The following PTPRG variants were observed in gnomAD, a reference collection of about 807,000 sequenced individuals.
PTPRG encodes receptor-type tyrosine-protein phosphatase gamma.
In PTPRG, 102 loss-of-function variants were observed where a neutral mutation model predicts 165.3. The observed-to-expected ratio is 0.62, with a 90% CI of 0.53 to 0.73. The LOEUF is 0.73. Among genes scored for constraint, PTPRG ranks in the 30% least tolerant of loss-of-function variants. PTPRG has a pLI of 0.00. For synonymous variants in PTPRG, 675 were observed against 669.5 expected (o/e 1.01, Z -0.13); for missense variants, 1,866 against 1,861.4 (o/e 1.00, Z -0.05).
rs563714516 is a variant in PTPRG, at chr3:61,919,882, T to C, written c.191-69743T>C. Among the ~76,000 whole-genome samples the C allele has an allele frequency of 2.6e-4, 40 of 152,316 alleles. No homozygotes were observed. The South Asian group carries it at 7.5e-3, about 28-fold the overall frequency. On this transcript the variant is annotated intron_variant, in intron 2 of 29. Transcript: ENST00000474889. ...TCCTTACAAAAGGCGAACAGTCCAG[T>C]CGTGGGCAAGGTTTAAGTAAAAGCA...
intron 1 of PTPRG, among the ~76,000 whole-genome samples, chr3:61,677,708 C>CA (rs1703281105): frequency 6.6e-6 from 1 of 152,150 alleles, no homozygotes; most frequent in African/African-American, 2.4e-5. Flanking sequence ...TGATTTGGAA[C>CA]AAACCAAGCT....
intron 1 of PTPRG, among the ~76,000 whole-genome samples, chr3:61,679,254 A>G (rs1440281114): frequency 2.0e-5 from 3 of 152,226 alleles, no homozygotes; most frequent in East Asian, 1.9e-4. Flanking sequence ...TTTGGCAAGG[A>G]GCCCAACTGC....
In PTPRG at chr3:62,095,125, G is replaced by A. The variant is rs552991499; in HGVS notation, c.615+16867G>A. On this transcript the variant is annotated intron_variant, in intron 5 of 29. Transcript: ENST00000474889. ...GTACCATGCCTTCCATTACATCCTT[G>A]TTATGAAAGCTTCATTTAAAAATTC... Among the ~76,000 whole-genome samples the A allele has an allele frequency of 3.1e-4, 47 of 152,280 alleles. 1 individual carries two copies. The highest frequency in any genetic ancestry group is 8.7e-4 in the African/African-American group (36 of 41,540).
chr3:62,244,644 C>T (rs1287991942), intron 15 of PTPRG, among the ~76,000 whole-genome samples: 1 of 152,178 alleles, frequency 6.6e-6, no homozygotes, highest in Admixed American at 6.5e-5. Flanking sequence ...AATGCCACCC[C>T]TCCTCCACAC....
chr3:62,185,199 G>A (rs1408643863), intron 8 of PTPRG, among the ~76,000 whole-genome samples: 1 of 152,160 alleles, frequency 6.6e-6, no homozygotes. Context: ...AGCTGGTGAG[G>A]AGCAGTACCT....
rs544640220 is a variant in PTPRG, at chr3:62,276,909, G to C, written c.3560-63G>C. The C allele has an allele frequency of 2.4e-6, 3 of 1,234,058 alleles. No individual in the cohort carries two copies. In the South Asian group the frequency reaches 3.8e-5, roughly 15 times the overall value. 76.4% of individuals were successfully genotyped at this position (1,234,058 alleles called of 1,614,324 possible). The stretch of plus-strand genomic sequence containing the variant: ...TTATTCATCAAGCAAATCTCAGAAA[G>C]AGCTGTTGGTTCTGTGTGTATAATA... On this transcript the variant is annotated intron_variant, in intron 24 of 29. Transcript: ENST00000474889.
At chr3:61,811,980 T>C (rs769949030) in intron 2 of PTPRG, among the ~76,000 whole-genome samples, 2 of 152,174 alleles carry the variant, frequency 1.3e-5, no homozygotes, top group Non-Finnish European at 2.9e-5. Context: ...AATAATTAAA[T>C]TTATTAGTAG....
At position 61,928,418 on chromosome 3, in the gene PTPRG, C is replaced by T. The variant is rs78212840; in HGVS notation, c.191-61207C>T. Among the ~76,000 whole-genome samples, 1,063 of 152,262 alleles carry T rather than the reference C, an allele frequency of 7.0e-3. 10 individuals carry two copies. The highest frequency in any genetic ancestry group is 0.024 in the African/African-American group (1,002 of 41,546). ...AAACCAGACTTATTTTGCCTGAGTCCATTTTTTTAATCCCCTACTTTCTAC... is the reference window on the plus strand; with the variant it reads ...AAACCAGACTTATTTTGCCTGAGTCTATTTTTTTAATCCCCTACTTTCTAC... On this transcript the variant is annotated intron_variant, in intron 2 of 29. Coordinates refer to ENST00000474889, the MANE Select transcript of PTPRG (RefSeq NM_002841.4).
intron 2 of PTPRG, among the ~76,000 whole-genome samples, chr3:61,889,292 G>T (rs758635360): frequency 6.6e-6 from 1 of 152,012 alleles, no homozygotes; most frequent in African/African-American, 2.4e-5. Flanking sequence ...TTATTTATTC[G>T]TTTGACTTTA....
intron 2 of PTPRG, among the ~76,000 whole-genome samples, chr3:61,852,982 T>C (rs1227013290): frequency 6.6e-6 from 1 of 152,230 alleles, no homozygotes. Flanking sequence ...TCCCTTCCTC[T>C]TTGCATCTGT....
chr3:62,042,039 G>C (rs976495031), intron 4 of PTPRG, among the ~76,000 whole-genome samples: 1 of 152,194 alleles, frequency 6.6e-6, no homozygotes, highest in Non-Finnish European at 1.5e-5. Context: ...AGGGAATGGG[G>C]AAGTGAGGTC....
At chr3:61,798,365 A>G (rs2035121855) in intron 2 of PTPRG, among the ~76,000 whole-genome samples, 1 of 152,210 alleles carries the variant, frequency 6.6e-6, no homozygotes, top group Non-Finnish European at 1.5e-5. Context: ...GTGACAGTAA[A>G]TGACAACTAG....
At chr3:61,986,953 A>G (rs2040777783) in intron 2 of PTPRG, among the ~76,000 whole-genome samples, 1 of 152,096 alleles carries the variant, frequency 6.6e-6, no homozygotes, top group African/African-American at 2.4e-5. Context: ...GTATTTATTC[A>G]AATTTGTGAA....
rs1311727422 is a variant in PTPRG at position 61,562,163 on chromosome 3, CG to C, written c.-119del. The C allele has an allele frequency of 8.7e-6, 7 of 805,098 alleles. No homozygotes were observed. Among genetic ancestry groups the C allele is most frequent in the South Asian group, 1.6e-5 (1 of 64,408 alleles). 49.9% of individuals were successfully genotyped at this position (805,098 alleles called of 1,614,324 possible). A position where few individuals can be genotyped will look rare whatever the true frequency, so the allele number is the denominator to read the frequency against. On this transcript the variant is annotated 5_prime_UTR_variant, in exon 1 of 30. Transcript: ENST00000474889. ...CCAAGGGGACTCGGGCCGCCGAGCG[CG>C]GGGGGCCCGTGGAGCGGGCGAGCCG... is the stretch of plus-strand genomic sequence containing the variant.
At chr3:61,671,786 C>T (rs1201063267) in intron 1 of PTPRG, among the ~76,000 whole-genome samples, 10 of 145,830 alleles carry the variant, frequency 6.9e-5, no homozygotes, top group South Asian at 4.4e-4. Context: ...CCCCACCTCC[C>T]TCCCGGATGG....
At chr3:61,864,447 A>G (rs2037352270) in intron 2 of PTPRG, among the ~76,000 whole-genome samples, 1 of 148,604 alleles carries the variant, frequency 6.7e-6, no homozygotes, top group Non-Finnish European at 1.5e-5. Flanking sequence ...CCGGGCTTCT[A>G]ATTCTCTCCA....
chr3:61,751,975 C>T (rs556604228), intron 2 of PTPRG, among the ~76,000 whole-genome samples: 1 of 151,718 alleles, frequency 6.6e-6, no homozygotes, highest in East Asian at 1.9e-4. Context: ...GCCTGGGTGA[C>T]ATAGCATGCC....
chr3:61,772,373 G>A (rs2034236031), intron 2 of PTPRG, among the ~76,000 whole-genome samples: 1 of 151,934 alleles, frequency 6.6e-6, no homozygotes, highest in Non-Finnish European at 1.5e-5. Context: ...AAATCAACCT[G>A]CTCATTCACA....
intron 12 of PTPRG, among the ~76,000 whole-genome samples, chr3:62,206,912 C>CAAAAAAAAAAA (rs556974355): frequency 1.9e-4 from 7 of 37,332 alleles, no homozygotes; most frequent in African/African-American, 4.3e-4. Context: ...GACTCTGTCT[C>CAAAAAAAAAAA]AAAAAAAAAA....
Sources: allele counts gnomAD v4.1 joint callset (sites outside exome capture counted in the v4.1 genomes callset), GRCh38; gene constraint gnomAD v4.1.1; transcripts MANE v1.5; gene names NCBI Gene and HGNC (gene_info 2026-07-23, HGNC 2026-07-21).